XPA: variants seen among roughly 807,000 people sequenced by gnomAD.
XPA encodes the protein XPA, DNA damage recognition and repair factor.
A neutral mutation model predicts 35.7 loss-of-function variants in XPA; 27 were observed. The ratio of observed to expected loss-of-function variants is 0.76; its 90% CI spans 0.56 to 1.04. XPA has a LOEUF of 1.04. XPA is among the 50% of genes least tolerant of loss of function. The pLI, the probability that XPA is intolerant of heterozygous loss-of-function variation, is 0.00. For missense variants in XPA, 354 were observed against 342.7 expected (o/e 1.03, Z -0.26); for synonymous variants, 133 against 118.4 (o/e 1.12, Z -0.80).
chr9:97,675,338 T>C lies in XPA; in HGVS notation c.*101A>G. 2 of 1,245,178 alleles carry C rather than the reference T, an allele frequency of 1.6e-6. No individual in the cohort carries two copies. Among genetic ancestry groups the C allele is most frequent in the Non-Finnish European group, 2.2e-6 (2 of 895,616 alleles). The allele number at this position is 1,245,178 out of a possible 1,614,324, so 77.1% of individuals were successfully genotyped here. A position where few individuals can be genotyped will look rare whatever the true frequency, so the allele number is the denominator to read the frequency against. ...TACTTATACAAGGGTTTCATTCATC[T>C]ATGAAGATGTTGCTTTTTTTTTTGA... On this transcript the variant is annotated 3_prime_UTR_variant, in exon 6 of 6. Transcript: ENST00000375128.
intron 2 of XPA, among the ~76,000 whole-genome samples, chr9:97,693,174 T>G (rs1828943538): frequency 6.6e-6 from 1 of 152,158 alleles, no homozygotes; most frequent in Non-Finnish European, 1.5e-5. Flanking sequence ...TGAAGATATG[T>G]GTACATATAA....
the XPA span, among the ~76,000 whole-genome samples, chr9:97,665,183 T>G: frequency 1.3e-5 from 2 of 152,222 alleles, no homozygotes; most frequent in African/African-American, 4.8e-5. Context: ...TACTGAATTG[T>G]TAGGGTGATA....
intron 2 of XPA, among the ~76,000 whole-genome samples, chr9:97,692,699 C>T (rs1828929881): frequency 1.3e-5 from 2 of 152,140 alleles, no homozygotes; most frequent in African/African-American, 2.4e-5. Context: ...AATTTTCAAA[C>T]TGTCACTCCC....
At chr9:97,687,433 TCTTTTA>T (rs1828754815) in intron 3 of XPA, among the ~76,000 whole-genome samples, 172 bp from the exon 4 acceptor site, 1 of 152,230 alleles carries the variant, frequency 6.6e-6, no homozygotes, top group African/African-American at 2.4e-5. Context: ...AAATACTTTA[TCTTTTA>T]CTTATTCTGG....
At chr9:97,661,921 A>G in the XPA span, 3 of 552,810 alleles carry the variant, frequency 5.4e-6, no homozygotes, top group South Asian at 3.8e-5. Context: ...TATTAGAACC[A>G]AAAAACATTA....
chr9:97,692,307 A>G (rs1271101155), intron 2 of XPA, among the ~76,000 whole-genome samples: 2 of 152,026 alleles, frequency 1.3e-5, no homozygotes, highest in East Asian at 3.9e-4. Flanking sequence ...AAAAAAAAAG[A>G]AAAGGGGAAT....
chr9:97,689,896 G>T (rs898842392), intron 2 of XPA, among the ~76,000 whole-genome samples: 1 of 152,178 alleles, frequency 6.6e-6, no homozygotes, highest in Non-Finnish European at 1.5e-5. Flanking sequence ...TTGTATTAGT[G>T]CTACATTAGT....
At position 97,687,093 on chromosome 9, in the gene XPA, G is replaced by C; in HGVS notation, c.555+3C>G. 1 of 1,607,166 alleles carries C rather than the reference G, an allele frequency of 6.2e-7. No homozygotes were observed. Among genetic ancestry groups the C allele is most frequent in the Non-Finnish European group, 8.5e-7 (1 of 1,177,944 alleles). On this transcript the variant is annotated splice_donor_region_variant and intron_variant, in intron 4 of 5. Coordinates refer to ENST00000375128, the MANE Select transcript of XPA (RefSeq NM_000380.4). ...AAAATAATAAATACAACTTATTAGA[G>C]ACCTGTAACTTTAAGTAGAGTTTCA... is the stretch of plus-strand genomic sequence containing the variant.
At chr9:97,686,884 C>G (rs576144745) in intron 4 of XPA, among the ~76,000 whole-genome samples, 1 of 152,150 alleles carries the variant, frequency 6.6e-6, no homozygotes, top group Admixed American at 6.5e-5. Flanking sequence ...GCCTGAGTGA[C>G]AGAGTGAGAC....
In XPA at chr9:97,697,254, AGCCGCCGCCTCCGGCAAAGCCCCGTCG is replaced by A. The variant is rs755109935; in HGVS notation, c.12_38del (p.Asp5_Ala13del). The A allele has an allele frequency of 5.0e-6, 8 of 1,599,936 alleles. No homozygotes were observed. In the South Asian group the frequency reaches 6.6e-5, roughly 13 times the overall value. On this transcript the variant is annotated inframe_deletion, in exon 1 of 6. Transcript: ENST00000375128. Reference sequence around the variant, plus strand: ...CAGGCAGCTCCGCGGGTTGCTCTAAAGCCGCCGCCTCCGGCAAAGCCCCGTCGGCCGCCGCCATCTCTGGCCCACTCC... The same window carrying A: ...CAGGCAGCTCCGCGGGTTGCTCTAAAGCCGCCGCCATCTCTGGCCCACTCC...
chr9:97,696,924 CGCT>C (rs1400547584), intron 1 of XPA, among the ~76,000 whole-genome samples, 194 bp downstream of exon 1: 1 of 152,184 alleles, frequency 6.6e-6, no homozygotes, highest in Non-Finnish European at 1.5e-5. Flanking sequence ...GACAGAGGAA[CGCT>C]CTGTGGTCGT....
At chr9:97,674,139 C>T (rs1014667603), downstream of XPA, among the ~76,000 whole-genome samples, 11 of 151,218 alleles carry the variant, frequency 7.3e-5, no homozygotes, top group South Asian at 2.1e-4. Context: ...GCTCCTTCCC[C>T]GCCCCCATAA....
chr9:97,660,680 C>T, the XPA span, among the ~76,000 whole-genome samples: 2 of 152,280 alleles, frequency 1.3e-5, no homozygotes, highest in Middle Eastern at 3.4e-3. Context: ...TGATCAGCAC[C>T]TTGTGCTCTA....
At chr9:97,656,080 T>C in the XPA span, 1 of 1,613,218 alleles carries the variant, frequency 6.2e-7, no homozygotes, top group Admixed American at 1.7e-5. Flanking sequence ...TAGAAAAATG[T>C]ATGAGGTAAG....
chr9:97,692,988 C>A (rs1281312627), intron 2 of XPA, among the ~76,000 whole-genome samples: 5 of 151,316 alleles, frequency 3.3e-5, no homozygotes, highest in African/African-American at 1.2e-4. Flanking sequence ...CAAAGCAGAG[C>A]AACCACCTAC....
the XPA span, chr9:97,668,865 G>C: frequency 6.2e-7 from 1 of 1,613,228 alleles, no homozygotes; most frequent in Non-Finnish European, 8.5e-7. Flanking sequence ...GATGACGACA[G>C]AAGCAGTGAC....
At chr9:97,686,155 A>G (rs993074457) in intron 4 of XPA, among the ~76,000 whole-genome samples, 13 of 152,218 alleles carry the variant, frequency 8.5e-5, no homozygotes, top group African/African-American at 3.1e-4. Flanking sequence ...ATTTGGAGAT[A>G]TGGGATTTTC....
the XPA span, chr9:97,655,835 G>A: frequency 6.9e-7 from 1 of 1,446,540 alleles, no homozygotes. Context: ...TAACATAAAA[G>A]TGTCTGAAAT....
chr9:97,664,342 G>T, the XPA span: 4 of 1,595,032 alleles, frequency 2.5e-6, no homozygotes, highest in African/African-American at 5.4e-5. Context: ...CATTGTAGAT[G>T]ATTGCTGTAC....
Sources: gnomAD v4.1 joint callset for allele counts (sites outside exome capture counted in the v4.1 genomes callset) on GRCh38, gnomAD v4.1.1 for gene constraint, MANE v1.5 for transcripts, NCBI Gene and HGNC (gene_info 2026-07-23, HGNC 2026-07-21) for gene names.